Variants in SLC8A1 observed in about 807,000 individuals in gnomAD.
SLC8A1 encodes sodium/calcium exchanger 1.
SLC8A1 carries 18 observed loss-of-function variants against 68.3 expected under a neutral mutation model. The ratio of observed to expected loss-of-function variants is 0.26; its 90% CI spans 0.18 to 0.39. The LOEUF (loss-of-function observed/expected upper bound fraction) is 0.39. Ranked by LOEUF, SLC8A1 falls within the 10% of genes least tolerant of loss-of-function variation. The pLI is 1.00. For synonymous variants in SLC8A1, 475 were observed against 415.5 expected (o/e 1.14, Z -1.74); for missense variants, 985 against 1,156.7 (o/e 0.85, Z 2.15).
chr2:40,197,127 G>A (rs2053202364), intron 2 of SLC8A1, among the ~76,000 whole-genome samples: 1 of 151,978 alleles, frequency 6.6e-6, no homozygotes, highest in Non-Finnish European at 1.5e-5. Flanking sequence ...AATTGGACCA[G>A]GTTTGTCTGA....
At chr2:40,179,827 G>A (rs385665) in intron 2 of SLC8A1, among the ~76,000 whole-genome samples, 118,665 of 152,110 alleles carry the variant, frequency 0.78, 46,975 homozygotes, top group Middle Eastern at 0.85. Flanking sequence ...GGTAGAAGAT[G>A]CTTTTAATTC....
At chr2:40,295,333 G>A (rs2070162084) in intron 2 of SLC8A1, among the ~76,000 whole-genome samples, 1 of 151,994 alleles carries the variant, frequency 6.6e-6, no homozygotes, top group African/African-American at 2.4e-5. Flanking sequence ...AAACTCCTGG[G>A]CTCAACAGAT....
chr2:40,284,379 G>A (rs181323628), intron 2 of SLC8A1, among the ~76,000 whole-genome samples: 66 of 145,358 alleles, frequency 4.5e-4, no homozygotes, highest in African/African-American at 1.5e-3. Context: ...ATTTATGTAT[G>A]ATATATGATA....
chr2:40,099,426 A>T (rs1164091715), exon 8 of SLC8A1: 1 of 152,088 alleles, frequency 6.6e-6, no homozygotes, highest in Non-Finnish European at 1.5e-5. Context: ...AGTGTAGTGA[A>T]GTTATTTAGA....
At chr2:40,357,859 A>G (rs1368344640) in intron 2 of SLC8A1, among the ~76,000 whole-genome samples, 5 of 151,854 alleles carry the variant, frequency 3.3e-5, no homozygotes. Flanking sequence ...CCCCCTTTTC[A>G]TCTTTCCTGT....
intron 1 of SLC8A1, among the ~76,000 whole-genome samples, chr2:40,463,883 CACACATAT>C (rs1703493623): frequency 7.5e-6 from 1 of 133,782 alleles, no homozygotes; most frequent in African/African-American, 2.9e-5. Flanking sequence ...CACACACACA[CACACATAT>C]ATATATAGAG....
intron 2 of SLC8A1, chr2:40,251,713 A>C (rs550414373): frequency 6.6e-6 from 1 of 152,276 alleles, no homozygotes; most frequent in South Asian, 2.1e-4. Flanking sequence ...GCTGGGAGAG[A>C]GGGTCAACAG....
exon 8 of SLC8A1, chr2:40,104,013 G>T (rs1390475598): frequency 6.6e-6 from 1 of 152,172 alleles, no homozygotes; most frequent in Non-Finnish European, 1.5e-5. Flanking sequence ...CCCATTTAAT[G>T]ATGAGGACAA....
At chr2:40,436,174 C>A (rs6735837) in intron 1 of SLC8A1, among the ~76,000 whole-genome samples, 1 of 151,824 alleles carries the variant, frequency 6.6e-6, no homozygotes, top group African/African-American at 2.4e-5. Context: ...ATTTTCATTT[C>A]TTTTTTTTCA....
intron 1 of SLC8A1, among the ~76,000 whole-genome samples, chr2:40,501,930 T>C (rs775544770): frequency 1.6e-4 from 24 of 152,062 alleles, no homozygotes; most frequent in Admixed American, 2.6e-4. Flanking sequence ...TCTACTCAGA[T>C]GTACTCTGCA....
At chr2:40,101,773 T>A (rs2033905566) in exon 8 of SLC8A1, 1 of 152,136 alleles carries the variant, frequency 6.6e-6, no homozygotes, top group African/African-American at 2.4e-5. Context: ...AGATCAATGA[T>A]TCTCAAATTT....
intron 2 of SLC8A1, among the ~76,000 whole-genome samples, chr2:40,273,337 C>T (rs951060857): frequency 2.6e-5 from 4 of 152,018 alleles, no homozygotes; most frequent in Admixed American, 2.6e-4. Flanking sequence ...AGGTGATCCA[C>T]CCGCCTCGGC....
At chr2:40,463,441 TA>T (rs1431134094) in intron 1 of SLC8A1, among the ~76,000 whole-genome samples, 12 of 152,346 alleles carry the variant, frequency 7.9e-5, no homozygotes, top group African/African-American at 2.9e-4. Flanking sequence ...TGCTTCATTC[TA>T]AAGAATCGCC....
chr2:40,457,974 T>C (rs949782867), intron 1 of SLC8A1, among the ~76,000 whole-genome samples: 3 of 152,208 alleles, frequency 2.0e-5, no homozygotes, highest in Non-Finnish European at 4.4e-5. Flanking sequence ...AAAAAAATAC[T>C]GAAAGCTGGG....
chr2:40,312,383 G>T (rs1446120142), intron 2 of SLC8A1, among the ~76,000 whole-genome samples: 1 of 152,030 alleles, frequency 6.6e-6, no homozygotes, highest in Non-Finnish European at 1.5e-5. Flanking sequence ...TATATTAATG[G>T]TGCCACTTTG....
chr2:40,379,951 T>C (rs1681188049), intron 2 of SLC8A1, among the ~76,000 whole-genome samples: 1 of 152,164 alleles, frequency 6.6e-6, no homozygotes, highest in Admixed American at 6.6e-5. Context: ...GTAGGTCTCA[T>C]ACTGTTAGAG....
intron 2 of SLC8A1, among the ~76,000 whole-genome samples, chr2:40,380,995 T>G (rs1681579230): frequency 6.6e-6 from 1 of 152,222 alleles, no homozygotes; most frequent in South Asian, 2.1e-4. Flanking sequence ...GTGTCCGAGT[T>G]TGAAGTTTTT....
chr2:40,414,445 T>C (rs571773249), intron 2 of SLC8A1, among the ~76,000 whole-genome samples: 6 of 152,310 alleles, frequency 3.9e-5, no homozygotes, highest in South Asian at 2.1e-4. Context: ...CTGAGTAACA[T>C]TGAGTGTGTG....
chr2:40,252,952 T>TATGTGTGTATATGTATGTACATATATAC (rs1558965544), intron 2 of SLC8A1, among the ~76,000 whole-genome samples: 1 of 117,560 alleles, frequency 8.5e-6, no homozygotes, highest in African/African-American at 3.5e-5. Context: ...CATATATACA[T>TATGTGTGTATATGTATGTACATATATAC]ATGTGTGTAT....
Sources: gnomAD v4.1 joint callset for allele counts (sites outside exome capture counted in the v4.1 genomes callset) on GRCh38, gnomAD v4.1.1 for gene constraint, MANE v1.5 for transcripts, NCBI Gene and HGNC (gene_info 2026-07-23, HGNC 2026-07-21) for gene names.